The following NLRP8 variants were observed in gnomAD, a reference collection of about 807,000 sequenced individuals.
NLRP8 encodes NACHT, LRR and PYD domains-containing protein 8.
In NLRP8, 86 loss-of-function variants were observed where a neutral mutation model predicts 88.7. The ratio of observed to expected loss-of-function variants is 0.97; its 90% confidence interval spans 0.81 to 1.16. The LOEUF (loss-of-function observed/expected upper bound fraction) is 1.16, where lower values mean the gene tolerates loss of function less well. Ranked by LOEUF, NLRP8 falls within the 50% of genes most tolerant of loss-of-function variation. The pLI is 0.00. For synonymous variants in NLRP8, 504 were observed against 494.6 expected, an observed-to-expected ratio of 1.02 and a Z score of -0.25; for missense variants, 1,342 against 1,286.5, an observed-to-expected ratio of 1.04 and a Z score of -0.66.
Position 55,967,733 on chromosome 19 carries a change from A to G in NLRP8, c.2381+1353A>G, listed in dbSNP as rs148901322. 1.3e-3 allele frequency among the ~76,000 whole-genome samples: 197 copies of G among 152,366 alleles called. 1 individual carries two copies. Among genetic ancestry groups the G allele is most frequent in the African/African-American group, 4.4e-3 (184 of 41,586 alleles). Reference sequence around the variant, plus strand: ...TACCAGTGGTGGATGGCTGGATCACATGGCAGCCTGAAAGAGCTGATTTTT... The same window carrying G: ...TACCAGTGGTGGATGGCTGGATCACGTGGCAGCCTGAAAGAGCTGATTTTT... On this transcript the variant is annotated intron_variant, in intron 5 of 9. Coordinates refer to ENST00000291971, the MANE Select transcript of NLRP8 (RefSeq NM_176811.2).
chr19:55,983,916 A>G (rs1375827695), intron 9 of NLRP8, among the ~76,000 whole-genome samples: 2 of 152,088 alleles, frequency 1.3e-5, no homozygotes, highest in Non-Finnish European at 2.9e-5. Context: ...GACTTATTTA[A>G]TTTGAGGAAG....
intron 6 of NLRP8, among the ~76,000 whole-genome samples, chr19:55,973,004 G>A (rs780549001): frequency 6.6e-6 from 1 of 152,052 alleles, no homozygotes; most frequent in Non-Finnish European, 1.5e-5. Context: ...TGCATCAAAT[G>A]GTCACTCTAC....
chr19:55,955,397 C>T lies in NLRP8; in HGVS notation c.1339C>T (p.His447Tyr). Residue 447 changes from histidine to tyrosine, a missense_variant, in exon 3 of 10, where the codon CAC becomes TAC. By Grantham distance (83) the His-to-Tyr change is moderately conservative. Coordinates refer to ENST00000291971, the MANE Select transcript of NLRP8 (RefSeq NM_176811.2). Reference sequence around the variant, plus strand: ...AGCTGAGAACTTTTCCAGAAAGATCCACCAAGCACAACTGGAAGGTCTGTG... The same window carrying T: ...AGCTGAGAACTTTTCCAGAAAGATCTACCAAGCACAACTGGAAGGTCTGTG... 1 of 1,614,168 alleles carries T rather than the reference C, an allele frequency of 6.2e-7. No homozygotes were observed. The highest frequency in any genetic ancestry group is 1.1e-5 in the South Asian group (1 of 91,084).
chr19:55,962,552 C>T (rs779864318), intron 4 of NLRP8, among the ~76,000 whole-genome samples: 10 of 152,196 alleles, frequency 6.6e-5, no homozygotes, highest in East Asian at 1.9e-4. Context: ...CAGTGGGTCA[C>T]GGAATTCCTG....
chr19:55,958,395 G>C (rs1336072644), intron 3 of NLRP8, among the ~76,000 whole-genome samples: 1 of 152,192 alleles, frequency 6.6e-6, no homozygotes, highest in Non-Finnish European at 1.5e-5. Context: ...TAAATTTCAA[G>C]TAATTTAAGT....
chr19:55,950,124 A>G (rs1345956492), intron 1 of NLRP8, among the ~76,000 whole-genome samples: 1 of 152,076 alleles, frequency 6.6e-6, no homozygotes, highest in Admixed American at 6.6e-5. Flanking sequence ...AAAAATACAC[A>G]GAGAGGCCAG....
At chr19:55,956,131 C>A (rs186177197) in intron 3 of NLRP8, 31 bp downstream of exon 3, 5 of 1,580,406 alleles carry the variant, frequency 3.2e-6, no homozygotes, top group Non-Finnish European at 4.3e-6. Context: ...TTGGGTAGCC[C>A]GTCCTACCCG....
chr19:55,957,670 TAATTATA>T lies in NLRP8; in HGVS notation c.2042+1571_2042+1577del, dbSNP rs1324618617. 8.9e-4 allele frequency among the ~76,000 whole-genome samples: 46 copies of T among 51,854 alleles called. 2 individuals are homozygous for T. The highest frequency in any genetic ancestry group is 4.1e-3 in the African/African-American group (46 of 11,228). The allele number at this position is 51,854 out of a possible 152,430, so 34.0% of individuals were successfully genotyped here. On this transcript the variant is annotated intron_variant, in intron 3 of 9. Coordinates refer to ENST00000291971, the MANE Select transcript of NLRP8 (RefSeq NM_176811.2). Reference sequence around the variant, plus strand: ...CACTATCTTAAAAAAGAAAAAATAATAATTATATATATATATATATATATATATATAT... The same window carrying T: ...CACTATCTTAAAAAAGAAAAAATAATTATATATATATATATATATATATAT...
rs368862093 is a variant in NLRP8, at chr19:55,982,996, TTGAA to T, written c.3047+3436_3047+3439del. ...ATAGCAATAGGAACAAGGAGCCTGA[TTGAA>T]TGAGTTCCCACCGGCCAAATCTGGA... On this transcript the variant is annotated intron_variant, in intron 9 of 9. Transcript: ENST00000291971. 1.6e-4 allele frequency among the ~76,000 whole-genome samples: 25 copies of T among 152,144 alleles called. 1 individual carries two copies. The East Asian group carries it at 2.5e-3, about 15-fold the overall frequency.
At chr19:55,960,319 A>C (rs1979551957) in intron 3 of NLRP8, among the ~76,000 whole-genome samples, 3 of 152,186 alleles carry the variant, frequency 2.0e-5, no homozygotes, top group Admixed American at 6.5e-5. Flanking sequence ...TTGAATGGCT[A>C]CATCAGACCA....
At chr19:55,986,473 TACACACACACAC>T (rs896816246) in intron 9 of NLRP8, among the ~76,000 whole-genome samples, 2 of 72,494 alleles carry the variant, frequency 2.8e-5, no homozygotes, top group South Asian at 4.3e-4. Flanking sequence ...CTCTCTCACA[TACACACACACAC>T]ACACACACAC....
chr19:55,974,999 G>A (rs1278806068), intron 7 of NLRP8, among the ~76,000 whole-genome samples: 2 of 152,108 alleles, frequency 1.3e-5, no homozygotes, highest in African/African-American at 2.4e-5. Context: ...GCTCTGTCAC[G>A]AGGTAGTTCA....
chr19:55,952,254 A>C (rs1395465260), intron 1 of NLRP8, among the ~76,000 whole-genome samples: 2 of 152,130 alleles, frequency 1.3e-5, no homozygotes, highest in Non-Finnish European at 2.9e-5. Flanking sequence ...GTATGTGTGT[A>C]TTTATATTTC....
At chr19:55,957,928 C>A (rs1979450048) in intron 3 of NLRP8, among the ~76,000 whole-genome samples, 1 of 151,994 alleles carries the variant, frequency 6.6e-6, no homozygotes, top group South Asian at 2.1e-4. Context: ...ACTGACTACT[C>A]ATTTCTTCAT....
chr19:55,975,383 G>T (rs1980265268), intron 7 of NLRP8, among the ~76,000 whole-genome samples: 1 of 152,188 alleles, frequency 6.6e-6, no homozygotes, highest in African/African-American at 2.4e-5. Context: ...TCCTCAAAAG[G>T]TGAAGCACAG....
chr19:55,973,065 G>C (rs1980151777), intron 6 of NLRP8, among the ~76,000 whole-genome samples: 1 of 152,104 alleles, frequency 6.6e-6, no homozygotes, highest in Non-Finnish European at 1.5e-5. Context: ...GGCTGTACTA[G>C]TTTACATTTC....
rs1470972450 is a variant in NLRP8, at chr19:55,987,887, G to C, written c.3121G>C (p.Asp1041His). 2 of 1,613,814 alleles carry C rather than the reference G, an allele frequency of 1.2e-6. No individual in the cohort carries two copies. The highest frequency in any genetic ancestry group is 2.7e-5 in the African/African-American group (2 of 74,916). ...CCCACCCGACTTCACGGGAAAAAGT[G>C]ACTGCCTATCCCAGATTAATCCTTA... Residue 1041 changes from aspartate (D) to histidine (H), a missense_variant, in exon 10 of 10, where the codon GAC (aspartate) becomes CAC (histidine). Transcript: ENST00000291971.
chr19:55,962,350 C>T lies in NLRP8; in HGVS notation c.2213+113C>T, dbSNP rs1399026218. 8 of 1,150,820 alleles carry T rather than the reference C, an allele frequency of 7.0e-6. No individual in the cohort carries two copies. The South Asian group carries it at 9.2e-5, about 13-fold the overall frequency. The allele number at this position is 1,150,820 out of a possible 1,614,324, so 71.3% of individuals were successfully genotyped here. ...TAGACTTCCGGAAAGCACCCATGTC[C>T]AGCCTTGGACGGAGGTGCAGGAGGA... On this transcript the variant is annotated intron_variant, in intron 4 of 9. Transcript: ENST00000291971.
At chr19:55,963,446 T>C (rs1236747575) in intron 4 of NLRP8, among the ~76,000 whole-genome samples, 1 of 152,230 alleles carries the variant, frequency 6.6e-6, no homozygotes, top group African/African-American at 2.4e-5. Context: ...TGTGCTTCTC[T>C]AACACACCAC....
Sources: gnomAD v4.1 joint callset for allele counts (sites outside exome capture counted in the v4.1 genomes callset) on GRCh38, gnomAD v4.1.1 for gene constraint, MANE v1.5 for transcripts, NCBI Gene and HGNC (gene_info 2026-07-23, HGNC 2026-07-21) for gene names.